DCTN4: variants seen among roughly 807,000 people sequenced by gnomAD.
DCTN4 encodes dynactin 4 (p62).
DCTN4 carries 23 observed loss-of-function variants against 62.7 expected under a neutral mutation model. The observed-to-expected ratio is 0.37, with a 90% CI of 0.26 to 0.52. The LOEUF (loss-of-function observed/expected upper bound fraction) is 0.52, where lower values mean the gene tolerates loss of function less well. Among genes scored for constraint, DCTN4 ranks in the 20% least tolerant of loss-of-function variants. The pLI is 0.92. For missense variants in DCTN4, 514 were observed against 580.4 expected, an observed-to-expected ratio of 0.89 and a Z score of 1.18; for synonymous variants, 199 against 202.1, an observed-to-expected ratio of 0.98 and a Z score of 0.13.
chr5:150,711,023 G>T lies in DCTN4; in HGVS notation c.*126C>A. The stretch of plus-strand genomic sequence containing the variant: ...CCTTGCCTATGCTCCCACTTTCTTA[G>T]CAATAGAATTCCGTAGTGCATGGGT... On this transcript the variant is annotated 3_prime_UTR_variant, in exon 13 of 13. Coordinates refer to ENST00000447998, the MANE Select transcript of DCTN4 (RefSeq NM_016221.4). The T allele has an allele frequency of 1.1e-6, 1 of 934,800 alleles. No homozygotes were observed. Among genetic ancestry groups the T allele is most frequent in the Non-Finnish European group, 1.6e-6 (1 of 618,484 alleles). 57.9% of individuals were successfully genotyped at this position (934,800 alleles called of 1,614,324 possible).
At position 150,714,923 on chromosome 5, in the gene DCTN4, A is replaced by G. The variant is rs79339871; in HGVS notation, c.1169+642T>C. ...AGGGGTGGTAGCTGGCTCATCAAAT[A>G]GCTATCTTTGAAATTTTATGCCCAT... On this transcript the variant is annotated intron_variant, in intron 12 of 12. Transcript: ENST00000447998. Among the ~76,000 whole-genome samples the G allele has an allele frequency of 8.9e-3, 1,358 of 152,252 alleles. 19 individuals carry two copies. The highest frequency in any genetic ancestry group is 0.031 in the African/African-American group (1,273 of 41,522).
At position 150,742,124 on chromosome 5, in the gene DCTN4, T is replaced by C; in HGVS notation, c.419A>G (p.His140Arg). 1 of 1,614,080 alleles carries C rather than the reference T, an allele frequency of 6.2e-7. No homozygotes were observed. Among genetic ancestry groups the C allele is most frequent in the Non-Finnish European group, 8.5e-7 (1 of 1,179,942 alleles). Residue 140 changes from histidine (H) to arginine (R), a missense_variant, in exon 4 of 13, where the codon CAC becomes CGC. Physicochemically the swap from His to Arg is conservative, Grantham distance 29. Transcript: ENST00000447998. ...TGACCCTTTACTTACCCGTTGTGTGTGAGGATTTTCAGGTTCCTGCCAACC... is the reference window on the plus strand; with the variant it reads ...TGACCCTTTACTTACCCGTTGTGTGCGAGGATTTTCAGGTTCCTGCCAACC... ...SGGWQEPENP[H>R]TQRMNKLIEY...
chr5:150,732,478 ACCAAC>A (rs1760422983), intron 5 of DCTN4, among the ~76,000 whole-genome samples: 1 of 152,176 alleles, frequency 6.6e-6, no homozygotes, highest in South Asian at 2.1e-4. Context: ...TATGGACTTT[ACCAAC>A]CCTTAGGGTT....
intron 12 of DCTN4, among the ~76,000 whole-genome samples, chr5:150,711,893 CT>C (rs1248403607): frequency 6.6e-6 from 1 of 151,906 alleles, no homozygotes; most frequent in African/African-American, 2.4e-5. Context: ...CCATAACTTG[CT>C]TTTTTTTAAC....
In DCTN4 at chr5:150,733,605, T is replaced by A. The variant is rs1481661715; in HGVS notation, c.430-130A>T. 3 of 573,422 alleles carry A rather than the reference T, an allele frequency of 5.2e-6. No individual in the cohort carries two copies. The African/African-American group carries it at 5.7e-5, about 11-fold the overall frequency. 35.5% of individuals were successfully genotyped at this position (573,422 alleles called of 1,614,324 possible). On this transcript the variant is annotated intron_variant, in intron 4 of 12. Transcript: ENST00000447998. ...TTAAGATGGGCAAGTTTGCCCTTTT[T>A]CTTCTAAGATAATTTTTCTTCGTTA... is the stretch of plus-strand genomic sequence containing the variant.
At chr5:150,715,502 G>T in intron 12 of DCTN4, 63 bp downstream of exon 12, 2 of 1,275,458 alleles carry the variant, frequency 1.6e-6, no homozygotes, top group Non-Finnish European at 1.1e-6. Context: ...AAGAAAACTG[G>T]ATATAAGTGG....
chr5:150,750,303 G>T (rs1182686247), intron 3 of DCTN4, among the ~76,000 whole-genome samples: 1 of 152,114 alleles, frequency 6.6e-6, no homozygotes, highest in African/African-American at 2.4e-5. Flanking sequence ...CATCAGTCTG[G>T]AAAAATTTTA....
At position 150,733,493 on chromosome 5, in the gene DCTN4, A is replaced by G; in HGVS notation, c.430-18T>C. 6.3e-7 allele frequency: 1 copy of G among 1,578,458 alleles called. No homozygotes were observed. The highest frequency in any genetic ancestry group is 8.7e-7 in the Non-Finnish European group (1 of 1,149,202). ...TTGTTCATCTGTAAGAAAATCACAG[A>G]CTCAGTACACAAAAAAGCTAACAGA... On this transcript the variant is annotated intron_variant, in intron 4 of 12. Coordinates refer to ENST00000447998, the MANE Select transcript of DCTN4 (RefSeq NM_016221.4).
intron 3 of DCTN4, among the ~76,000 whole-genome samples, chr5:150,749,670 A>G (rs1561709496): frequency 7.2e-6 from 1 of 139,206 alleles, no homozygotes; most frequent in African/African-American, 3.4e-5. Flanking sequence ...AATAAAAAAA[A>G]ATAAAAATAG....
chr5:150,712,118 G>A lies in DCTN4; in HGVS notation c.1170-756C>T, dbSNP rs575792516. On this transcript the variant is annotated intron_variant, in intron 12 of 12. Transcript: ENST00000447998. ...TTTCTATAGAACATAGACTCATACCGTGGAAAGTTATTTATTTATTTATTT... is the reference window on the plus strand; with the variant it reads ...TTTCTATAGAACATAGACTCATACCATGGAAAGTTATTTATTTATTTATTT... Among the ~76,000 whole-genome samples the A allele has an allele frequency of 4.1e-4, 62 of 151,980 alleles. 1 individual carries two copies. In the South Asian group the frequency reaches 0.011, roughly 27 times the overall value.
chr5:150,745,794 G>A (rs1760939761), intron 3 of DCTN4, among the ~76,000 whole-genome samples: 1 of 151,938 alleles, frequency 6.6e-6, no homozygotes, highest in African/African-American at 2.4e-5. Flanking sequence ...TCAAAGCAGT[G>A]TGTAGAGGGA....
chr5:150,753,109 C>A (rs187546215), intron 3 of DCTN4, among the ~76,000 whole-genome samples: 93 of 152,296 alleles, frequency 6.1e-4, no homozygotes, highest in African/African-American at 2.1e-3. Context: ...TTGTGATCTG[C>A]CCGCCTCAAC....
intron 8 of DCTN4, among the ~76,000 whole-genome samples, chr5:150,728,748 T>C (rs1253865156): frequency 1.3e-5 from 2 of 152,206 alleles, no homozygotes; most frequent in African/African-American, 4.8e-5. Flanking sequence ...AGCATATAGA[T>C]GGATCACTGC....
chr5:150,738,489 A>T (rs1760659099), intron 4 of DCTN4, among the ~76,000 whole-genome samples: 1 of 152,254 alleles, frequency 6.6e-6, no homozygotes, highest in African/African-American at 2.4e-5. Context: ...GTAATACACC[A>T]CATAAACAGA....
chr5:150,711,450 C>T, intron 12 of DCTN4, 88 bp from the exon 13 acceptor site: 1 of 1,030,534 alleles, frequency 9.7e-7, no homozygotes, highest in Non-Finnish European at 1.5e-6. Flanking sequence ...TCACCTTATT[C>T]TTTCCTTCAG....
chr5:150,717,352 T>C (rs252157), intron 11 of DCTN4, among the ~76,000 whole-genome samples: 150,797 of 152,300 alleles, frequency 0.99, 74,660 homozygotes, highest in East Asian at 1. Flanking sequence ...CGGGTTCAAG[T>C]GATTCTCCCA....
At chr5:150,749,670 AAT>A (rs1561709501) in intron 3 of DCTN4, among the ~76,000 whole-genome samples, 3,981 of 139,256 alleles carry the variant, frequency 0.029, 169 homozygotes, top group African/African-American at 0.13. Context: ...AATAAAAAAA[AAT>A]AAAAATAGTT....
intron 2 of DCTN4, 47 bp from the exon 3 acceptor site, chr5:150,753,704 G>A: frequency 6.4e-7 from 1 of 1,566,556 alleles, no homozygotes; most frequent in Non-Finnish European, 8.7e-7. Context: ...TATTTATCAA[G>A]GAATTCAAGA....
At chr5:150,733,218 CT>C in intron 5 of DCTN4, 149 bp downstream of exon 5, 1 of 544,988 alleles carries the variant, frequency 1.8e-6, no homozygotes, top group Non-Finnish European at 3.2e-6. Flanking sequence ...TAGCAAAAGC[CT>C]AACTATTGGA....
Sources: allele counts gnomAD v4.1 joint callset (sites outside exome capture counted in the v4.1 genomes callset), GRCh38; gene constraint gnomAD v4.1.1; transcripts MANE v1.5; gene names NCBI Gene and HGNC (gene_info 2026-07-23, HGNC 2026-07-21).